TCP10L: variants seen among roughly 807,000 people sequenced by gnomAD.
The protein encoded by TCP10L is t-complex 10 like, also known as T-complex protein 10A homolog 1.
In TCP10L, 11 loss-of-function variants were observed where a neutral mutation model predicts 19.2. The observed-to-expected ratio is 0.57, with a 90% CI of 0.36 to 0.95. The LOEUF (loss-of-function observed/expected upper bound fraction) is 0.95, where lower values mean the gene tolerates loss of function less well. Ranked by LOEUF, TCP10L falls within the 40% of genes least tolerant of loss-of-function variation. TCP10L has a pLI of 0.01. For missense variants in TCP10L, 247 were observed against 263.9 expected (o/e 0.94, Z 0.44); for synonymous variants, 96 against 97.2 (o/e 0.99, Z 0.07).
intron 2 of TCP10L, among the ~76,000 whole-genome samples, chr21:32,583,397 G>A (rs1252206356): frequency 2.6e-5 from 4 of 151,598 alleles, no homozygotes; most frequent in South Asian, 2.1e-4. Flanking sequence ...AGACCATCCC[G>A]GCTAACACGG....
At chr21:32,580,358 G>A (rs546003604) in intron 3 of TCP10L, among the ~76,000 whole-genome samples, 3 of 152,036 alleles carry the variant, frequency 2.0e-5, no homozygotes, top group South Asian at 4.2e-4. Context: ...CACCTGCCTC[G>A]GCCTCCCAAA....
At chr21:32,581,541 C>T (rs192695787) in intron 3 of TCP10L, among the ~76,000 whole-genome samples, 49 of 152,298 alleles carry the variant, frequency 3.2e-4, no homozygotes, top group Admixed American at 2.7e-3. Flanking sequence ...AACATTCACC[C>T]CCAGACACTG....
In TCP10L at chr21:32,574,915, G is replaced by A. The variant is rs575624773; in HGVS notation, c.*1859C>T. On this transcript the variant is annotated 3_prime_UTR_variant, in exon 5 of 5. Transcript: ENST00000300258. Reference sequence around the variant, plus strand: ...TCTTTCGAGTATTCTGATGGATCAGGAGATTCACGGATGGAAAGGCACTGT... The same window carrying A: ...TCTTTCGAGTATTCTGATGGATCAGAAGATTCACGGATGGAAAGGCACTGT... 1 of 152,310 alleles carries A rather than the reference G, an allele frequency of 6.6e-6. No homozygotes were observed. Among genetic ancestry groups the A allele is most frequent in the African/African-American group, 2.4e-5 (1 of 41,454 alleles). 9.4% of individuals were successfully genotyped at this position (152,310 alleles called of 1,614,324 possible). A position where few individuals can be genotyped will look rare whatever the true frequency, so the allele number is the denominator to read the frequency against.
At position 32,582,223 on chromosome 21, in the gene TCP10L, C is replaced by T. The variant is rs200974337; in HGVS notation, c.337G>A (p.Ala113Thr). ...ACCAGAGTGTGCGATTCTTGCCCCG[C>T]GTGTGGGGACGCTGCAGATTTCTTC... ...ARKKSAASPH[A>T]GQESHTLALE... The change falls in exon 3 of 5, where the codon GCG becomes ACG. Residue 113 changes from alanine to threonine, a missense_variant. Ala to Thr is a moderately conservative substitution (Grantham distance 58). Transcript: ENST00000300258. The surrounding 1 kb of genome is among the most constrained non-coding windows in gnomAD (Gnocchi z 4.2). 67 of 1,614,062 alleles carry T rather than the reference C, an allele frequency of 4.2e-5. No homozygotes were observed. The highest frequency in any genetic ancestry group is 3.3e-4 in the African/African-American group (25 of 74,922).
intron 1 of TCP10L, among the ~76,000 whole-genome samples, 177 bp from the exon 2 acceptor site, chr21:32,584,482 A>T (rs574603309): frequency 6.6e-6 from 1 of 152,286 alleles, no homozygotes; most frequent in East Asian, 1.9e-4. Context: ...AGGACACCAC[A>T]GACAGAGGGA....
Position 32,576,676 on chromosome 21 carries a change from A to T in TCP10L, c.*98T>A. ...TAGGTCTATTTTGAATAACAAATTG[A>T]GTACTTTTATTAGACCTAAGTGGAA... On this transcript the variant is annotated 3_prime_UTR_variant, in exon 5 of 5. Transcript: ENST00000300258. The T allele has an allele frequency of 8.0e-7, 1 of 1,244,544 alleles. No individual in the cohort carries two copies. Among genetic ancestry groups the T allele is most frequent in the Non-Finnish European group, 1.1e-6 (1 of 882,330 alleles). The allele number at this position is 1,244,544 out of a possible 1,614,324, so 77.1% of individuals were successfully genotyped here. A position where few individuals can be genotyped will look rare whatever the true frequency, so the allele number is the denominator to read the frequency against.
At chr21:32,579,057 T>C (rs547326446) in intron 3 of TCP10L, among the ~76,000 whole-genome samples, 1 of 152,290 alleles carries the variant, frequency 6.6e-6, no homozygotes, top group East Asian at 1.9e-4. Flanking sequence ...TTTCTTATTG[T>C]GGTTCCTTGT....
Position 32,584,209 on chromosome 21 carries a change from A to G in TCP10L, c.96T>C (p.Ala32=). ...CCTCCGTGAGAACCTCGGCTGCCAC[A>G]GCTGTCTTCTCCATGACAGCCCCAG... ...PGAGAVMEKT[A]VAAEVLTEDC... The change falls in exon 2 of 5, where the codon GCT becomes GCC. Residue 32 remains alanine, a synonymous_variant. Coordinates refer to ENST00000300258, the MANE Select transcript of TCP10L (RefSeq NM_144659.7). The G allele has an allele frequency of 2.5e-6, 4 of 1,614,098 alleles. No individual in the cohort carries two copies. The highest frequency in any genetic ancestry group is 1.7e-4 in the Middle Eastern group (1 of 6,060).
At chr21:32,579,208 T>G (rs919772029) in intron 3 of TCP10L, among the ~76,000 whole-genome samples, 2 of 152,228 alleles carry the variant, frequency 1.3e-5, no homozygotes, top group African/African-American at 2.4e-5. Flanking sequence ...TCTCTACAAC[T>G]TGTCTAAGAT....
intron 1 of TCP10L, 111 bp from the exon 2 acceptor site, chr21:32,584,416 C>G: frequency 7.0e-7 from 1 of 1,420,280 alleles, no homozygotes; most frequent in Non-Finnish European, 9.3e-7. Context: ...CCCGCAGCCG[C>G]TCCTTCTCCC....
Position 32,575,982 on chromosome 21 carries a change from G to A in TCP10L, c.*792C>T, listed in dbSNP as rs1271957920. 3.7e-6 allele frequency: 1 copy of A among 268,392 alleles called. No homozygotes were observed. Among genetic ancestry groups the A allele is most frequent in the East Asian group, 7.1e-5 (1 of 14,180 alleles). 16.6% of individuals were successfully genotyped at this position (268,392 alleles called of 1,614,324 possible). A position where few individuals can be genotyped will look rare whatever the true frequency, so the allele number is the denominator to read the frequency against. On this transcript the variant is annotated 3_prime_UTR_variant, in exon 5 of 5. Coordinates refer to ENST00000300258, the MANE Select transcript of TCP10L (RefSeq NM_144659.7). Reference sequence around the variant, plus strand: ...GCTAGGATTCGGAATCTCCAGTCACGGCCCCTGGAGACCGGCATGTGGGCT... The same window carrying A: ...GCTAGGATTCGGAATCTCCAGTCACAGCCCCTGGAGACCGGCATGTGGGCT...
At position 32,578,858 on chromosome 21, in the gene TCP10L, T is replaced by A. The variant is rs769011418; in HGVS notation, c.361-27A>T. On this transcript the variant is annotated intron_variant, in intron 3 of 4. Coordinates refer to ENST00000300258, the MANE Select transcript of TCP10L (RefSeq NM_144659.7). This position sits in a 1 kb window ranked among gnomAD's most constrained non-coding sequence, Gnocchi z 4.2. ...TAAAAGACAAAATGCAGGGAAATTCTTCACATTTTCGAAGGTAAAATAAAT... is the reference window on the plus strand; with the variant it reads ...TAAAAGACAAAATGCAGGGAAATTCATCACATTTTCGAAGGTAAAATAAAT... 2.5e-6 allele frequency: 4 copies of A among 1,613,356 alleles called. No individual in the cohort carries two copies. The highest frequency in any genetic ancestry group is 2.5e-6 in the Non-Finnish European group (3 of 1,179,842).
chr21:32,576,804 A>C lies in TCP10L; in HGVS notation c.618T>G (p.Thr206=), dbSNP rs1248162012. The C allele has an allele frequency of 3.7e-6, 6 of 1,613,840 alleles. No homozygotes were observed. Among genetic ancestry groups the C allele is most frequent in the Non-Finnish European group, 5.1e-6 (6 of 1,179,998 alleles). ...CACCCCCCCGTCTCTCTGCACAGGGAGTTGGCCTTCCAGTAGGTGTTGCTC... is the reference window on the plus strand; with the variant it reads ...CACCCCCCCGTCTCTCTGCACAGGGCGTTGGCCTTCCAGTAGGTGTTGCTC... The part of the protein sequence containing the change: ...DRRATPTGRP[T]PCAERRGGV Residue 206 remains threonine (T), a synonymous_variant, in exon 5 of 5, where the codon ACT becomes ACG. Transcript: ENST00000300258.
chr21:32,582,160 TA>T lies in TCP10L; in HGVS notation c.360+39del. ...TCTTTATGGGGACGCTATTTTTACA[TA>T]ACGCAAACGGTACAAAAACATAAAT... is the stretch of plus-strand genomic sequence containing the variant. On this transcript the variant is annotated intron_variant, in intron 3 of 4. Transcript: ENST00000300258. The surrounding 1 kb of genome is among the most constrained non-coding windows in gnomAD (Gnocchi z 4.2). 6.2e-7 allele frequency: 1 copy of T among 1,603,260 alleles called. No individual in the cohort carries two copies. The highest frequency in any genetic ancestry group is 8.5e-7 in the Non-Finnish European group (1 of 1,173,198).
At position 32,582,270 on chromosome 21, in the gene TCP10L, T is replaced by A; in HGVS notation, c.290A>T (p.Gln97Leu). The A allele has an allele frequency of 6.2e-7, 1 of 1,614,208 alleles. No individual in the cohort carries two copies. The highest frequency in any genetic ancestry group is 8.5e-7 in the Non-Finnish European group (1 of 1,180,046). Residue 97 changes from glutamine to leucine, a missense_variant, in exon 3 of 5, where the codon CAG becomes CTG. Physicochemically the swap from Gln to Leu is moderately radical, Grantham distance 113. Transcript: ENST00000300258. The surrounding 1 kb of genome is among the most constrained non-coding windows in gnomAD (Gnocchi z 4.2). ...CTTCCTGGCTTTCCACCGCTGCAGC[T>A]GCAGAGCTCTCAGCTTTTCTCGGAG... ...MELREKLRAL[Q>L]LQRWKARKKS...
At chr21:32,583,024 C>CTTTTTTT (rs59972145) in intron 2 of TCP10L, among the ~76,000 whole-genome samples, 17 of 94,796 alleles carry the variant, frequency 1.8e-4, no homozygotes, top group Non-Finnish European at 2.3e-4. Flanking sequence ...CATTCTTTTC[C>CTTTTTTT]TTTTTTTTTT....
Position 32,582,129 on chromosome 21 carries a change from C to T in TCP10L, c.360+71G>A. The T allele has an allele frequency of 1.9e-6, 3 of 1,539,122 alleles. No homozygotes were observed. The highest frequency in any genetic ancestry group is 2.3e-5 in the East Asian group (1 of 44,298). ...GATACCGCGTCATTCAGCAATAAAG[C>T]CCACATCTTTATGGGGACGCTATTT... On this transcript the variant is annotated intron_variant, in intron 3 of 4. Transcript: ENST00000300258. This position sits in a 1 kb window ranked among gnomAD's most constrained non-coding sequence, Gnocchi z 4.2.
Position 32,578,957 on chromosome 21 carries a change from C to T in TCP10L, c.361-126G>A. ...AGGGTACAAGGTAGGGGGACTTGGACTGGGTTTTCCCCCTAATATGTTGAT... is the reference window on the plus strand; with the variant it reads ...AGGGTACAAGGTAGGGGGACTTGGATTGGGTTTTCCCCCTAATATGTTGAT... On this transcript the variant is annotated intron_variant, in intron 3 of 4. Transcript: ENST00000300258. This position sits in a 1 kb window ranked among gnomAD's most constrained non-coding sequence, Gnocchi z 4.2. 1 of 1,461,828 alleles carries T rather than the reference C, an allele frequency of 6.8e-7. No individual in the cohort carries two copies. The allele number at this position is 1,461,828 out of a possible 1,614,324, so 90.6% of individuals were successfully genotyped here. A position where few individuals can be genotyped will look rare whatever the true frequency, so the allele number is the denominator to read the frequency against.
In TCP10L at chr21:32,582,732, A is replaced by G. The variant is rs531979266; in HGVS notation, c.145-317T>C. ...CTCGACCTCCCAAATAGCTGGGACT[A>G]CAGGCATGTGCCACCATACTTCGCT... On this transcript the variant is annotated intron_variant, in intron 2 of 4. Transcript: ENST00000300258. This position sits in a 1 kb window ranked among gnomAD's most constrained non-coding sequence, Gnocchi z 4.2. 6.6e-6 allele frequency among the ~76,000 whole-genome samples: 1 copy of G among 152,174 alleles called. No homozygotes were observed. Among genetic ancestry groups the G allele is most frequent in the East Asian group, 1.9e-4 (1 of 5,150 alleles).
Sources: allele counts gnomAD v4.1 joint callset (sites outside exome capture counted in the v4.1 genomes callset), GRCh38; gene constraint gnomAD v4.1.1; non-coding constraint Gnocchi (gnomAD v3.1); transcripts MANE v1.5; gene names NCBI Gene and HGNC (gene_info 2026-07-23, HGNC 2026-07-21).